The following CACNA2D3 variants were observed in gnomAD, a reference collection of about 807,000 sequenced individuals.
The protein encoded by CACNA2D3 is calcium voltage-gated channel auxiliary subunit alpha2delta 3.
CACNA2D3 carries 60 observed loss-of-function variants against 160.6 expected under a neutral mutation model. The ratio of observed to expected loss-of-function variants is 0.37; its 90% CI spans 0.30 to 0.46. The LOEUF (loss-of-function observed/expected upper bound fraction) is 0.46. Ranked by LOEUF, CACNA2D3 falls within the 20% of genes least tolerant of loss-of-function variation. CACNA2D3 has a pLI of 1.00. For synonymous variants in CACNA2D3, 558 were observed against 492.9 expected (o/e 1.13, Z -1.75); for missense variants, 1,205 against 1,365.0 (o/e 0.88, Z 1.85).
intron 5 of CACNA2D3, among the ~76,000 whole-genome samples, chr3:54,543,982 TC>T (rs752170525): frequency 6.6e-6 from 1 of 152,180 alleles, no homozygotes; most frequent in Non-Finnish European, 1.5e-5. Context: ...ATTTTTTTGT[TC>T]CCCTTGTTGT....
At chr3:54,777,743 C>A (rs545099893) in intron 13 of CACNA2D3, among the ~76,000 whole-genome samples, 37 of 152,204 alleles carry the variant, frequency 2.4e-4, no homozygotes, top group African/African-American at 8.7e-4. Flanking sequence ...ATGGAAAGAG[C>A]CTTCCTTTGA....
intron 27 of CACNA2D3, among the ~76,000 whole-genome samples, chr3:54,959,076 G>A (rs1701972352): frequency 6.6e-6 from 1 of 152,180 alleles, no homozygotes; most frequent in African/African-American, 2.4e-5. Flanking sequence ...ACTCCAGCCT[G>A]GGCAACAGAG....
chr3:54,774,629 A>ATTTTTTTTTTT (rs111655457), intron 13 of CACNA2D3, among the ~76,000 whole-genome samples: 2 of 107,914 alleles, frequency 1.9e-5, no homozygotes, highest in African/African-American at 3.8e-5. Flanking sequence ...CTCTTTGACT[A>ATTTTTTTTTTT]TTTTTTTTTT....
At chr3:54,462,230 G>A (rs1417553888) in intron 4 of CACNA2D3, among the ~76,000 whole-genome samples, 1 of 152,130 alleles carries the variant, frequency 6.6e-6, no homozygotes, top group Non-Finnish European at 1.5e-5. Flanking sequence ...GTGTGGTGTG[G>A]TGCTGAAAAA....
Position 54,123,499 on chromosome 3 carries a change from C to T in CACNA2D3, c.123-14C>T. 1 of 1,603,336 alleles carries T rather than the reference C, an allele frequency of 6.2e-7. No individual in the cohort carries two copies. The highest frequency in any genetic ancestry group is 1.1e-5 in the South Asian group (1 of 90,844). On this transcript the variant is annotated splice_polypyrimidine_tract_variant and intron_variant, in intron 1 of 37. Coordinates refer to ENST00000474759, the MANE Select transcript of CACNA2D3 (RefSeq NM_018398.3). ...CGGGTGTTACATATCTTCCTGTGCC[C>T]CTTCTCCCTGTAGGGTGAAGCTCTG...
chr3:54,739,077 G>A (rs1314062975), intron 11 of CACNA2D3, among the ~76,000 whole-genome samples: 1 of 151,886 alleles, frequency 6.6e-6, no homozygotes, highest in East Asian at 1.9e-4. Flanking sequence ...GCTGCAGTGA[G>A]CCGAGATCAT....
In CACNA2D3 at chr3:54,677,125, G is replaced by C. The variant is rs767740212; in HGVS notation, c.1167+34884G>C. Among the ~76,000 whole-genome samples, 69 of 152,284 alleles carry C rather than the reference G, an allele frequency of 4.5e-4. No individual in the cohort carries two copies. In the Middle Eastern group the frequency reaches 0.01, roughly 23 times the overall value. The stretch of plus-strand genomic sequence containing the variant: ...CCTGGAATAAAACTTACATGATTAA[G>C]TTTACAAGCTTTTTTTGTGCCCCCC... On this transcript the variant is annotated intron_variant, in intron 11 of 37. Coordinates refer to ENST00000474759, the MANE Select transcript of CACNA2D3 (RefSeq NM_018398.3).
chr3:55,065,045 C>G (rs1256922831), intron 35 of CACNA2D3, among the ~76,000 whole-genome samples: 1 of 152,168 alleles, frequency 6.6e-6, no homozygotes. Flanking sequence ...TTGCCTTCTT[C>G]TGACTCTAAT....
chr3:54,807,399 T>C (rs905214659), intron 13 of CACNA2D3, among the ~76,000 whole-genome samples: 3 of 152,190 alleles, frequency 2.0e-5, no homozygotes, highest in Non-Finnish European at 4.4e-5. Context: ...GCGAAGGACA[T>C]GAGCAGACAC....
chr3:54,845,838 A>G (rs1398111633), intron 16 of CACNA2D3, among the ~76,000 whole-genome samples: 4 of 152,340 alleles, frequency 2.6e-5, no homozygotes, highest in African/African-American at 9.6e-5. Flanking sequence ...AGACGAAAGG[A>G]TATGAAAAGG....
intron 2 of CACNA2D3, among the ~76,000 whole-genome samples, chr3:54,249,939 G>C (rs939569625): frequency 7.9e-5 from 12 of 152,060 alleles, no homozygotes; most frequent in Admixed American, 3.9e-4. Flanking sequence ...GCTTTCAGTG[G>C]GTGGTGGAGC....
chr3:54,955,793 G>T (rs1701874020), intron 27 of CACNA2D3, among the ~76,000 whole-genome samples: 1 of 152,130 alleles, frequency 6.6e-6, no homozygotes, highest in East Asian at 1.9e-4. Flanking sequence ...AATCAGATGG[G>T]AAAGTGCCAG....
At position 54,182,718 on chromosome 3, in the gene CACNA2D3, A is replaced by G. The variant is rs946667581; in HGVS notation, c.204+59124A>G. Reference sequence around the variant, plus strand: ...GCACTTGCTGTGGTTGGTGGTTGGGAAAGTGGGCCCTGGGCGATCACTTCC... The same window carrying G: ...GCACTTGCTGTGGTTGGTGGTTGGGGAAGTGGGCCCTGGGCGATCACTTCC... On this transcript the variant is annotated intron_variant, in intron 2 of 37. Coordinates refer to ENST00000474759, the MANE Select transcript of CACNA2D3 (RefSeq NM_018398.3). Among the ~76,000 whole-genome samples the G allele has an allele frequency of 5.6e-4, 85 of 152,004 alleles. 1 individual carries two copies. Among genetic ancestry groups the G allele is most frequent in the Non-Finnish European group, 9.1e-4 (62 of 67,968 alleles).
At position 55,009,391 on chromosome 3, in the gene CACNA2D3, C is replaced by G. The variant is rs749942960; in HGVS notation, c.2823C>G (p.Phe941Leu). Residue 941 changes from phenylalanine (F) to leucine (L), a missense_variant, in exon 34 of 38, where the codon TTC (phenylalanine) becomes TTG (leucine). Phe to Leu is a conservative substitution (Grantham distance 22, BLOSUM62 0). Transcript: ENST00000474759. Reference protein sequence around the residue: ...VKWIMTELVLFLVEFNLCSWW... With the variant: ...VKWIMTELVLLLVEFNLCSWW... ...GGCTTTTCCACGATCTGTTTAGGTT[C>G]CTGGTGGAATTTAACCTCTGCAGTT... The G allele has an allele frequency of 2.8e-5, 45 of 1,613,696 alleles. No homozygotes were observed. The South Asian group carries it at 4.8e-4, about 17-fold the overall frequency.
chr3:54,738,990 C>T (rs1452610366), intron 11 of CACNA2D3, among the ~76,000 whole-genome samples: 1 of 152,050 alleles, frequency 6.6e-6, no homozygotes, highest in East Asian at 1.9e-4. Context: ...ACAAAACATA[C>T]AAAAATTAGC....
At chr3:54,958,976 C>T (rs1203397935) in intron 27 of CACNA2D3, among the ~76,000 whole-genome samples, 1 of 152,180 alleles carries the variant, frequency 6.6e-6, no homozygotes, top group Non-Finnish European at 1.5e-5. Flanking sequence ...TGGCACATGC[C>T]TGTAGTCCTA....
intron 2 of CACNA2D3, among the ~76,000 whole-genome samples, chr3:54,292,182 G>A (rs1260260071): frequency 1.3e-5 from 2 of 152,062 alleles, no homozygotes; most frequent in Admixed American, 6.5e-5. Flanking sequence ...AAACCTAAAT[G>A]TTAGACCAAA....
chr3:54,191,447 G>A (rs1700982365), intron 2 of CACNA2D3, among the ~76,000 whole-genome samples: 1 of 145,514 alleles, frequency 6.9e-6, no homozygotes, highest in South Asian at 2.1e-4. Flanking sequence ...ATCTAATTTA[G>A]TGTTTTCAGT....
At chr3:54,457,565 A>G (rs1700421276) in intron 4 of CACNA2D3, among the ~76,000 whole-genome samples, 1 of 152,008 alleles carries the variant, frequency 6.6e-6, no homozygotes, top group Non-Finnish European at 1.5e-5. Context: ...AAATGTCCAT[A>G]GGTGTGTTTG....
Sources: gnomAD v4.1 joint callset for allele counts (sites outside exome capture counted in the v4.1 genomes callset) on GRCh38, gnomAD v4.1.1 for gene constraint, MANE v1.5 for transcripts, NCBI Gene and HGNC (gene_info 2026-07-23, HGNC 2026-07-21) for gene names.